PDZD2: variants seen among roughly 807,000 people sequenced by gnomAD.
PDZD2 encodes PDZ domain-containing protein 2.
In PDZD2, 90 loss-of-function variants were observed where a neutral mutation model predicts 220.7. The ratio of observed to expected loss-of-function variants is 0.41; its 90% CI spans 0.34 to 0.49. The LOEUF (loss-of-function observed/expected upper bound fraction) is 0.49. Among genes scored for constraint, PDZD2 ranks in the 20% least tolerant of loss-of-function variants. PDZD2 has a pLI of 0.28. For missense variants in PDZD2, 3,174 were observed against 3,608.5 expected, an observed-to-expected ratio of 0.88 and a Z score of 3.08; for synonymous variants, 1,375 against 1,450.5, an observed-to-expected ratio of 0.95 and a Z score of 1.18.
rs534892291 is a variant in PDZD2 at position 31,667,639 on chromosome 5, C to T, written c.-361+28202C>T. Among the ~76,000 whole-genome samples, 233 of 151,922 alleles carry T rather than the reference C, an allele frequency of 1.5e-3. 3 individuals carry two copies. Among genetic ancestry groups the T allele is most frequent in the Non-Finnish European group, 1.8e-4 (12 of 67,972 alleles). On this transcript the variant is annotated intron_variant, in intron 1 of 24. Coordinates refer to ENST00000438447, the MANE Select transcript of PDZD2 (RefSeq NM_178140.4). Reference sequence around the variant, plus strand: ...GTGCAAGGGCCCTGAGCAGGGAAAGCAGCAGTGCCCACGGTGATGGAATGG... The same window carrying T: ...GTGCAAGGGCCCTGAGCAGGGAAAGTAGCAGTGCCCACGGTGATGGAATGG...
At chr5:31,930,196 CTTTTTTTTTT>C (rs760145512) in intron 2 of PDZD2, among the ~76,000 whole-genome samples, 2,188 of 102,484 alleles carry the variant, frequency 0.021, 82 homozygotes, top group African/African-American at 0.082. Context: ...CTCAGGTATT[CTTTTTTTTTT>C]TTTTTTTTTT....
chr5:32,047,542 A>G (rs1274379946), intron 7 of PDZD2, among the ~76,000 whole-genome samples: 1 of 152,258 alleles, frequency 6.6e-6, no homozygotes, highest in African/African-American at 2.4e-5. Flanking sequence ...AAGAAAAAGA[A>G]GAAGAAAAAG....
In PDZD2 at chr5:32,088,900, A is replaced by C. The variant is rs1742792940; in HGVS notation, c.5452A>C (p.Thr1818Pro). ...HNQGTHLRSK[T>P]EKEQPLMPAR... ...CCAAGGCACACATTTGAGGAGCAAA[A>C]CCGAGAAGGAACAACCTCTAATGCC... The change falls in exon 20 of 25, where the codon ACC becomes CCC. Residue 1818 changes from threonine to proline, a missense_variant. By Grantham distance (38) the Thr-to-Pro change is conservative. Transcript: ENST00000438447. The surrounding 1 kb of genome is among the most constrained non-coding windows in gnomAD (Gnocchi z 4.6). 1 of 1,614,026 alleles carries C rather than the reference A, an allele frequency of 6.2e-7. No individual in the cohort carries two copies. Among genetic ancestry groups the C allele is most frequent in the Non-Finnish European group, 8.5e-7 (1 of 1,179,980 alleles).
intron 2 of PDZD2, among the ~76,000 whole-genome samples, chr5:31,928,724 G>T (rs4867400): frequency 2.6e-5 from 4 of 151,940 alleles, no homozygotes; most frequent in Non-Finnish European, 4.4e-5. Flanking sequence ...GATCCACCTC[G>T]ACTTCCCAAA....
chr5:31,721,983 C>A (rs1748829689), intron 1 of PDZD2, among the ~76,000 whole-genome samples: 1 of 152,092 alleles, frequency 6.6e-6, no homozygotes, highest in African/African-American at 2.4e-5. Flanking sequence ...TCCTCCCTCT[C>A]TCACCCCACA....
chr5:31,870,167 T>G (rs1490152014), intron 2 of PDZD2, among the ~76,000 whole-genome samples: 1 of 152,120 alleles, frequency 6.6e-6, no homozygotes, highest in Admixed American at 6.5e-5. Context: ...TACTCAGGAC[T>G]TAGTACCATA....
intron 5 of PDZD2, among the ~76,000 whole-genome samples, chr5:32,008,156 T>TAAA (rs1248534211): frequency 6.6e-6 from 1 of 150,446 alleles, no homozygotes; most frequent in Non-Finnish European, 1.5e-5. Context: ...AATAAATAAA[T>TAAA]AAATAAATAA....
intron 2 of PDZD2, among the ~76,000 whole-genome samples, chr5:31,948,145 G>A (rs915485014): frequency 3.3e-5 from 5 of 152,200 alleles, no homozygotes; most frequent in Non-Finnish European, 5.9e-5. Flanking sequence ...TGAATTTCCT[G>A]AAGTAGCTCT....
intron 2 of PDZD2, among the ~76,000 whole-genome samples, chr5:31,817,389 G>C (rs1267619964): frequency 6.6e-6 from 1 of 151,546 alleles, no homozygotes; most frequent in East Asian, 2.0e-4. Context: ...AGCTACTTGG[G>C]AGGCTGAGGT....
At chr5:31,681,821 G>A (rs1398793275) in intron 1 of PDZD2, among the ~76,000 whole-genome samples, 4 of 152,146 alleles carry the variant, frequency 2.6e-5, no homozygotes, top group Non-Finnish European at 5.9e-5. Flanking sequence ...TGCTTTTGGT[G>A]ACCATAGAGA....
At position 31,983,226 on chromosome 5, in the gene PDZD2, C is replaced by T; in HGVS notation, c.548C>T (p.Ala183Val). 1 of 1,614,094 alleles carries T rather than the reference C, an allele frequency of 6.2e-7. No individual in the cohort carries two copies. Among genetic ancestry groups the T allele is most frequent in the East Asian group, 2.2e-5 (1 of 44,876 alleles). Residue 183 changes from alanine (A) to valine (V), a missense_variant, in exon 3 of 25, where the codon GCC becomes GTC. By Grantham distance (64) the Ala-to-Val change is moderately conservative (BLOSUM62 0). This residue lies in a region of PDZD2 where 632 missense variants were observed against 708.1 expected (regional missense o/e 0.89). Transcript: ENST00000438447. ...LIMLRRFKHK[A>V]HSTYNGNSSN... ...ATGCTGCGTCGCTTTAAGCACAAAG[C>T]CCACTCCACTTATAATGGCAACAGT...
At chr5:32,013,780 G>A (rs182960004) in intron 6 of PDZD2, among the ~76,000 whole-genome samples, 1,714 of 152,164 alleles carry the variant, frequency 0.011, 26 homozygotes, top group Non-Finnish European at 0.015. Flanking sequence ...CACCACCTCC[G>A]CCTCCCTCCC....
At chr5:31,683,630 G>C (rs1194934148) in intron 1 of PDZD2, among the ~76,000 whole-genome samples, 1 of 152,158 alleles carries the variant, frequency 6.6e-6, no homozygotes, top group Non-Finnish European at 1.5e-5. Flanking sequence ...TTTGATATCA[G>C]CTCATAAAGG....
chr5:31,994,976 T>G (rs1751516218), intron 3 of PDZD2, among the ~76,000 whole-genome samples: 1 of 152,192 alleles, frequency 6.6e-6, no homozygotes, highest in South Asian at 2.1e-4. Flanking sequence ...CTTTTAAGCA[T>G]TAGGTGGCTT....
At chr5:31,766,195 A>T (rs1172698986) in intron 1 of PDZD2, among the ~76,000 whole-genome samples, 8 of 152,040 alleles carry the variant, frequency 5.3e-5, no homozygotes, top group Non-Finnish European at 8.8e-5. Flanking sequence ...AAACAAACAA[A>T]CAAAAATTCT....
intron 2 of PDZD2, among the ~76,000 whole-genome samples, chr5:31,809,991 C>T (rs1479399408): frequency 6.6e-6 from 1 of 152,180 alleles, no homozygotes; most frequent in Non-Finnish European, 1.5e-5. Flanking sequence ...ACATAAGACA[C>T]TCGCTTTTAA....
chr5:31,854,900 C>T (rs2150303386), intron 2 of PDZD2: 1 of 851,322 alleles, frequency 1.2e-6, no homozygotes, highest in Non-Finnish European at 1.4e-6. Flanking sequence ...TCCTCCACCG[C>T]GGCGCGGAGG....
intron 1 of PDZD2, among the ~76,000 whole-genome samples, chr5:31,675,860 C>T (rs896699116): frequency 9.9e-5 from 15 of 152,118 alleles, no homozygotes; most frequent in Non-Finnish European, 1.5e-5. Flanking sequence ...CACCACCATG[C>T]CCAGCTAATT....
intron 2 of PDZD2, chr5:31,923,495 A>T: frequency 1.1e-6 from 1 of 945,002 alleles, no homozygotes; most frequent in South Asian, 1.3e-5. Context: ...CAGATCCTGG[A>T]ATGTCTGAAC....
Sources: allele counts gnomAD v4.1 joint callset (sites outside exome capture counted in the v4.1 genomes callset), GRCh38; gene constraint gnomAD v4.1.1; regional missense constraint gnomAD v4.1.1; non-coding constraint Gnocchi (gnomAD v3.1); transcripts MANE v1.5; gene names NCBI Gene and HGNC (gene_info 2026-07-23, HGNC 2026-07-21).